Variants in MTMR4 observed in about 807,000 individuals in gnomAD.
The protein encoded by MTMR4 is myotubularin related protein 4.
MTMR4 carries 30 observed loss-of-function variants against 125.5 expected under a neutral mutation model. The ratio of observed to expected loss-of-function variants is 0.24; its 90% confidence interval spans 0.18 to 0.32. MTMR4 has a LOEUF of 0.32. Ranked by LOEUF, MTMR4 falls within the 10% of genes least tolerant of loss-of-function variation. The pLI is 1.00. For missense variants in MTMR4, 1,039 were observed against 1,511.5 expected, an observed-to-expected ratio of 0.69 and a Z score of 5.18; for synonymous variants, 498 against 564.5, an observed-to-expected ratio of 0.88 and a Z score of 1.67.
At position 58,496,082 on chromosome 17, in the gene MTMR4, A is replaced by G. The variant is rs779921420; in HGVS notation, c.2102T>C (p.Leu701Ser). Residue 701 changes from leucine (L) to serine (S), a missense_variant, in exon 15 of 18, where the codon TTG (leucine) becomes TCG (serine). Transcript: ENST00000682306. The stretch of plus-strand genomic sequence containing the variant: ...GTGACTCTTGAAAGGTTTATTGCTC[A>G]AGTAGTCTTTCTGGCTGCTGGGCAG... Reference protein sequence around the residue: ...PPLPSSQKDYLSNKPFKSHKS... With the variant: ...PPLPSSQKDYSSNKPFKSHKS... The G allele has an allele frequency of 1.2e-6, 2 of 1,614,158 alleles. No individual in the cohort carries two copies. The highest frequency in any genetic ancestry group is 2.2e-5 in the South Asian group (2 of 91,088).
At chr17:58,498,019 C>G (rs1487004402) in intron 14 of MTMR4, among the ~76,000 whole-genome samples, 6 of 152,076 alleles carry the variant, frequency 3.9e-5, no homozygotes, top group African/African-American at 1.4e-4. Flanking sequence ...CTCGAGGCCA[C>G]AAGTCCAAGA....
intron 9 of MTMR4, among the ~76,000 whole-genome samples, chr17:58,505,935 G>A (rs1211384807): frequency 2.0e-5 from 3 of 152,082 alleles, no homozygotes; most frequent in South Asian, 4.2e-4. Context: ...AAAAAAGCAC[G>A]TCCTGGAAAC....
chr17:58,489,601 CG>C lies in MTMR4; in HGVS notation c.*2061del, dbSNP rs1422089749. On this transcript the variant is annotated 3_prime_UTR_variant, in exon 18 of 18. Transcript: ENST00000682306. ...ACAGCACATTGCATGTTTGTCACAA[CG>C]CAACTGCACAGTTTGGATTTTTGGC... 6.6e-6 allele frequency: 1 copy of C among 152,132 alleles called. No individual in the cohort carries two copies. The highest frequency in any genetic ancestry group is 2.4e-5 in the African/African-American group (1 of 41,412). The allele number at this position is 152,132 out of a possible 1,614,324, so 9.4% of individuals were successfully genotyped here.
Position 58,508,243 on chromosome 17 carries a change from C to A in MTMR4, c.625G>T (p.Val209Phe). 1 of 1,614,064 alleles carries A rather than the reference C, an allele frequency of 6.2e-7. No individual in the cohort carries two copies. Among genetic ancestry groups the A allele is most frequent in the African/African-American group, 1.3e-5 (1 of 75,046 alleles). The change falls in exon 7 of 18, where the codon GTT (valine) becomes TTT (phenylalanine). Residue 209 changes from valine (V) to phenylalanine (F), a missense_variant. By Grantham distance (50) the Val-to-Phe change is conservative. This residue lies in a region of MTMR4 where 202 missense variants were observed against 311.9 expected (regional missense o/e 0.65). Coordinates refer to ENST00000682306, the MANE Select transcript of MTMR4 (RefSeq NM_001378067.1). The surrounding 1 kb of genome is among the most constrained non-coding windows in gnomAD (Gnocchi z 4.8). Reference sequence around the variant, plus strand: ...TCTTTGTCAGTGATCCACACAGGAACCAGCAGCTTCTGGGGGTAACTGGGG... The same window carrying A: ...TCTTTGTCAGTGATCCACACAGGAAACAGCAGCTTCTGGGGGTAACTGGGG... ...LCPSYPQKLL[V>F]PVWITDKELE...
intron 14 of MTMR4, among the ~76,000 whole-genome samples, chr17:58,503,510 G>A (rs373637630): frequency 2.6e-5 from 4 of 152,056 alleles, no homozygotes; most frequent in Admixed American, 1.3e-4. Flanking sequence ...TTGGCTGGGC[G>A]TGGTGGTCGG....
At chr17:58,491,903 A>C in intron 17 of MTMR4, 63 bp from the exon 18 acceptor site, 1 of 1,515,766 alleles carries the variant, frequency 6.6e-7, no homozygotes, top group South Asian at 1.2e-5. Context: ...AGGCAGGGTG[A>C]CTCACACCAG....
chr17:58,511,120 A>G (rs1186504478), intron 4 of MTMR4: 2 of 211,900 alleles, frequency 9.4e-6, no homozygotes, highest in African/African-American at 4.6e-5. Flanking sequence ...AAATGAATAA[A>G]TAAATAAACC....
intron 4 of MTMR4, among the ~76,000 whole-genome samples, chr17:58,509,698 G>A (rs1159862442): frequency 6.6e-6 from 1 of 152,058 alleles, no homozygotes; most frequent in Non-Finnish European, 1.5e-5. Flanking sequence ...AGGATTACAG[G>A]TATGTGCCAC....
At chr17:58,501,597 T>C (rs564934612) in intron 14 of MTMR4, among the ~76,000 whole-genome samples, 1 of 151,558 alleles carries the variant, frequency 6.6e-6, no homozygotes, top group South Asian at 2.1e-4. Context: ...TATACATATA[T>C]ACACACATAT....
intron 1 of MTMR4, 84 bp downstream of exon 1, chr17:58,514,279 A>G (rs533299766): frequency 4.8e-5 from 47 of 979,368 alleles, no homozygotes; most frequent in East Asian, 1.1e-4. Context: ...GGCCTCGGGA[A>G]GGGGGATGGG....
intron 14 of MTMR4, among the ~76,000 whole-genome samples, chr17:58,501,686 G>A (rs759252189): frequency 1.1e-4 from 17 of 150,310 alleles, no homozygotes; most frequent in Non-Finnish European, 1.8e-4. Context: ...ATATATATAC[G>A]CGTATATATG....
Position 58,501,636 on chromosome 17 carries a change from A to G in MTMR4, c.1853+2108T>C, listed in dbSNP as rs57924839. 8.8e-3 allele frequency among the ~76,000 whole-genome samples: 1,335 copies of G among 151,622 alleles called. 23 individuals carry two copies. Among genetic ancestry groups the G allele is most frequent in the African/African-American group, 0.03 (1,237 of 41,336 alleles). ...TATATGTCTATGTATATACGTATAC[A>G]TGTATATATGTATACGGATATATAT... On this transcript the variant is annotated intron_variant, in intron 14 of 17. Transcript: ENST00000682306.
chr17:58,505,110 G>T, intron 10 of MTMR4, 136 bp from the exon 11 acceptor site: 1 of 798,158 alleles, frequency 1.3e-6, no homozygotes, highest in South Asian at 1.8e-5. Context: ...AGGGCCTTTT[G>T]GACAAGAGGT....
chr17:58,492,644 C>A, intron 16 of MTMR4, 45 bp from the exon 17 acceptor site: 1 of 1,570,702 alleles, frequency 6.4e-7, no homozygotes, highest in Non-Finnish European at 8.8e-7. Context: ...TGTTGACAGA[C>A]TGGAAGAGCA....
Position 58,505,594 on chromosome 17 carries a change from G to T in MTMR4, c.1034-11C>A. 1 of 1,599,974 alleles carries T rather than the reference G, an allele frequency of 6.3e-7. No homozygotes were observed. The highest frequency in any genetic ancestry group is 1.1e-5 in the South Asian group (1 of 90,768). On this transcript the variant is annotated splice_polypyrimidine_tract_variant and intron_variant, in intron 9 of 17. Coordinates refer to ENST00000682306, the MANE Select transcript of MTMR4 (RefSeq NM_001378067.1). ...AGTTGGGATAGTACTCTGTAGACAT[G>T]ACAGGAGAGTGGGACATAAAAGCAC...
intron 3 of MTMR4, among the ~76,000 whole-genome samples, chr17:58,511,984 CTTT>C (rs527911785): frequency 6.8e-6 from 1 of 147,526 alleles, no homozygotes; most frequent in Non-Finnish European, 1.5e-5. Context: ...GGATCCCCAA[CTTT>C]TTTTTTTTTA....
Position 58,508,865 on chromosome 17 carries a change from C to T in MTMR4, c.336-24G>A, listed in dbSNP as rs763669159. 1 of 1,604,518 alleles carries T rather than the reference C, an allele frequency of 6.2e-7. No homozygotes were observed. The highest frequency in any genetic ancestry group is 8.5e-7 in the Non-Finnish European group (1 of 1,172,388). ...ACCTGCCAGGCAAGAAGCCACAGGC[C>T]TAGGTGAGGCAAAGTGCAGTTGTGC... On this transcript the variant is annotated intron_variant, in intron 4 of 17. Transcript: ENST00000682306. This position sits in a 1 kb window ranked among gnomAD's most constrained non-coding sequence, Gnocchi z 4.8.
chr17:58,511,842 A>C (rs1975939421), intron 3 of MTMR4, among the ~76,000 whole-genome samples: 1 of 152,190 alleles, frequency 6.6e-6, no homozygotes, highest in Non-Finnish European at 1.5e-5. Context: ...TGTTCTTCCA[A>C]CAATGCCACT....
chr17:58,495,320 T>C lies in MTMR4; in HGVS notation c.2864A>G (p.Gln955Arg), dbSNP rs1975431087. ...AAAGCAGGGCCCTGTGGCCCGCATC[T>C]GCTTACTGTTTGGCCTCTTGCTACA... ...GCCSKRPNSK[Q>R]MRATGPCFGG... The change falls in exon 15 of 18, where the codon CAG becomes CGG. Residue 955 changes from glutamine to arginine, a missense_variant. Gln to Arg is a conservative substitution (Grantham distance 43). Around this residue, in one of 6 missense-constraint regions of MTMR4, gnomAD observed 619 missense variants for 714.5 expected, o/e 0.87. Transcript: ENST00000682306. 17 of 1,614,100 alleles carry C rather than the reference T, an allele frequency of 1.1e-5. No individual in the cohort carries two copies. The highest frequency in any genetic ancestry group is 1.4e-5 in the Non-Finnish European group (16 of 1,180,052).
Sources: allele counts gnomAD v4.1 joint callset (sites outside exome capture counted in the v4.1 genomes callset), GRCh38; gene constraint gnomAD v4.1.1; regional missense constraint gnomAD v4.1.1; non-coding constraint Gnocchi (gnomAD v3.1); transcripts MANE v1.5; gene names NCBI Gene and HGNC (gene_info 2026-07-23, HGNC 2026-07-21).